TRHDE: variants seen among roughly 807,000 people sequenced by gnomAD.
TRHDE encodes thyrotropin releasing hormone degrading enzyme, also known as thyrotropin-releasing hormone-degrading ectoenzyme.
TRHDE carries 72 observed loss-of-function variants against 125.7 expected under a neutral mutation model. The ratio of observed to expected loss-of-function variants is 0.57; its 90% CI spans 0.47 to 0.70. The LOEUF is 0.70. Among genes scored for constraint, TRHDE ranks in the 30% least tolerant of loss-of-function variants. The pLI is 0.00. For synonymous variants in TRHDE, 509 were observed against 509.1 expected (o/e 1.00, Z 0.00); for missense variants, 1,110 against 1,327.1 (o/e 0.84, Z 2.54).
chr12:72,658,508 T>C (rs1175920970), intron 18 of TRHDE, among the ~76,000 whole-genome samples: 2 of 152,130 alleles, frequency 1.3e-5, no homozygotes, highest in African/African-American at 4.8e-5. Context: ...CTTCTTTAAT[T>C]TTTCTTCTTC....
chr12:72,588,168 GAAT>G (rs1871522014), intron 12 of TRHDE, among the ~76,000 whole-genome samples: 1 of 152,164 alleles, frequency 6.6e-6, no homozygotes, highest in African/African-American at 2.4e-5. Context: ...TTGTTAGTAA[GAAT>G]AATTAACAAA....
intron 2 of TRHDE, among the ~76,000 whole-genome samples, chr12:72,329,753 A>C (rs1247724579): frequency 6.6e-6 from 1 of 152,190 alleles, no homozygotes; most frequent in East Asian, 1.9e-4. Context: ...CATCTAGTTT[A>C]CACCATGAAA....
At chr12:72,510,017 G>C (rs919966440) in intron 6 of TRHDE, among the ~76,000 whole-genome samples, 13 of 152,086 alleles carry the variant, frequency 8.5e-5, no homozygotes, top group African/African-American at 3.1e-4. Context: ...CAGTCATTTA[G>C]TTTTCTAATG....
At chr12:72,105,164 A>T (rs1203515632) in intron 1 of TRHDE, among the ~76,000 whole-genome samples, 1 of 152,214 alleles carries the variant, frequency 6.6e-6, no homozygotes, top group Non-Finnish European at 1.5e-5. Context: ...GCTGTCAAAC[A>T]GTATCAGCAG....
At position 72,562,863 on chromosome 12, in the gene TRHDE, G is replaced by T; in HGVS notation, c.1865G>T (p.Arg622Ile). The T allele has an allele frequency of 3.8e-6, 6 of 1,562,790 alleles. No homozygotes were observed. In the South Asian group the frequency reaches 5.0e-5, roughly 13 times the overall value. ...LWNTLSEALKRNGKYVNIQEV... is the reference protein window; with the variant it reads ...LWNTLSEALKINGKYVNIQEV... ...TTTTTCCTTGTGAAGGCTTTAAAAA[G>T]AAATGGGAAATATGTAAATATACAA... Residue 622 changes from arginine (R) to isoleucine (I), a missense_variant, in exon 9 of 19, where the codon AGA (arginine) becomes ATA (isoleucine). Transcript: ENST00000261180.
Position 72,272,824 on chromosome 12 carries a change from T to C in TRHDE, c.181T>C (p.Ser61Pro). 1 of 1,576,780 alleles carries C rather than the reference T, an allele frequency of 6.3e-7. No individual in the cohort carries two copies. The highest frequency in any genetic ancestry group is 8.6e-7 in the Non-Finnish European group (1 of 1,166,668). ...AALRAGSRGL[S>P]DPWADSVGVR... is the part of the protein sequence containing the mutation. ...GCTTCGGGCTGGCAGCAGGGGGCTC[T>C]CCGACCCGTGGGCAGACTCAGTGGG... Residue 61 changes from serine to proline, a missense_variant, in exon 1 of 19, where the codon TCC becomes CCC. This residue lies in a region of TRHDE where 248 missense variants were observed against 240.8 expected (regional missense o/e 1.03). Transcript: ENST00000261180. The surrounding 1 kb of genome is among the most constrained non-coding windows in gnomAD (Gnocchi z 6.7).
At chr12:72,564,744 T>G (rs999653052) in intron 9 of TRHDE, among the ~76,000 whole-genome samples, 1 of 131,470 alleles carries the variant, frequency 7.6e-6, no homozygotes, top group Non-Finnish European at 1.6e-5. Context: ...CTCGGCTCAC[T>G]GCAAGCTCCG....
intron 5 of TRHDE, among the ~76,000 whole-genome samples, chr12:72,476,252 A>T (rs1328869555): frequency 6.6e-6 from 1 of 152,166 alleles, no homozygotes; most frequent in Non-Finnish European, 1.5e-5. Flanking sequence ...CTGCTATTTG[A>T]TTGCTTTTGC....
chr12:72,091,519 C>T (rs1293290919), intron 1 of TRHDE, among the ~76,000 whole-genome samples: 1 of 152,100 alleles, frequency 6.6e-6, no homozygotes, highest in Non-Finnish European at 1.5e-5. Context: ...TTTTATCTGC[C>T]TAGTACCCAT....
chr12:72,577,544 C>T (rs893861856), intron 12 of TRHDE, among the ~76,000 whole-genome samples: 3 of 151,844 alleles, frequency 2.0e-5, no homozygotes, highest in Non-Finnish European at 2.9e-5. Flanking sequence ...TGAGGGGTTT[C>T]GAGGCAGTCG....
chr12:72,345,136 T>C (rs898269623), intron 2 of TRHDE, among the ~76,000 whole-genome samples: 2 of 152,154 alleles, frequency 1.3e-5, no homozygotes, highest in Admixed American at 1.3e-4. Flanking sequence ...TGTAATAGTT[T>C]TTAAATACTG....
intron 2 of TRHDE, among the ~76,000 whole-genome samples, chr12:72,357,145 A>G (rs1291069872): frequency 1.3e-5 from 2 of 151,640 alleles, no homozygotes; most frequent in East Asian, 3.9e-4. Context: ...ATTCCTATCA[A>G]ACTACCAACA....
At chr12:72,527,241 A>G (rs1868351658) in intron 6 of TRHDE, among the ~76,000 whole-genome samples, 1 of 152,146 alleles carries the variant, frequency 6.6e-6, no homozygotes, top group African/African-American at 2.4e-5. Flanking sequence ...TATGGCAAGT[A>G]TGTGTTACGT....
chr12:72,211,888 ACAC>A (rs1337542216), intron 2 of TRHDE, among the ~76,000 whole-genome samples: 1 of 152,156 alleles, frequency 6.6e-6, no homozygotes, highest in Non-Finnish European at 1.5e-5. Flanking sequence ...TGCAGCTGAA[ACAC>A]TTGAAGTTCA....
rs769798083 is a variant in TRHDE at position 72,669,667 on chromosome 12, A to T, written c.*6472A>T. ...CTACTCAGTGAGAACATTCATTATT[A>T]AGTTTTTGCTATTAATTTTCATTTA... On this transcript the variant is annotated 3_prime_UTR_variant, in exon 19 of 19. Coordinates refer to ENST00000261180, the MANE Select transcript of TRHDE (RefSeq NM_013381.3). 6.6e-6 allele frequency: 1 copy of T among 151,746 alleles called. No individual in the cohort carries two copies. The highest frequency in any genetic ancestry group is 2.4e-5 in the African/African-American group (1 of 41,400). The allele number at this position is 151,746 out of a possible 1,614,324, so 9.4% of individuals were successfully genotyped here.
intron 15 of TRHDE, among the ~76,000 whole-genome samples, chr12:72,631,669 A>G (rs1873500557): frequency 6.6e-6 from 1 of 151,928 alleles, no homozygotes. Flanking sequence ...TACAACTGTC[A>G]ATTAAAGGCC....
chr12:72,204,714 A>G (rs935444949), intron 2 of TRHDE, among the ~76,000 whole-genome samples: 11 of 152,230 alleles, frequency 7.2e-5, no homozygotes, highest in African/African-American at 2.7e-4. Context: ...TAAGGTCAAT[A>G]ACTATCTTTG....
chr12:72,561,977 C>T (rs778147218), intron 7 of TRHDE, among the ~76,000 whole-genome samples, 188 bp from the exon 8 acceptor site: 1 of 151,884 alleles, frequency 6.6e-6, no homozygotes, highest in South Asian at 2.1e-4. Context: ...TATTGTTCGA[C>T]GACTTAATTA....
Position 72,187,310 on chromosome 12 carries a change from A to AACACACACAC in TRHDE, n.279+81601_279+81610dup, listed in dbSNP as rs59164233. On this transcript the variant is annotated intron_variant and non_coding_transcript_variant, in intron 2 of 4. Transcript: ENST00000548156. ...GTACTAGGGTTCTTCAGAGAAACAC[A>AACACACACAC]ACACACACACACACACACACACACA... 3.6e-3 allele frequency among the ~76,000 whole-genome samples: 478 copies of AACACACACAC among 131,314 alleles called. 4 individuals carry two copies. The highest frequency in any genetic ancestry group is 9.1e-3 in the African/African-American group (312 of 34,466). The allele number at this position is 131,314 out of a possible 152,430, so 86.1% of individuals were successfully genotyped here. A position where few individuals can be genotyped will look rare whatever the true frequency, so the allele number is the denominator to read the frequency against.
Sources: allele counts gnomAD v4.1 joint callset (sites outside exome capture counted in the v4.1 genomes callset), GRCh38; gene constraint gnomAD v4.1.1; regional missense constraint gnomAD v4.1.1; non-coding constraint Gnocchi (gnomAD v3.1); transcripts MANE v1.5; gene names NCBI Gene and HGNC (gene_info 2026-07-23, HGNC 2026-07-21).